LRRC8A: variants seen among roughly 807,000 people sequenced by gnomAD.
The protein encoded by LRRC8A is volume-regulated anion channel subunit LRRC8A.
A neutral mutation model predicts 52.5 loss-of-function variants in LRRC8A; 24 were observed. The ratio of observed to expected loss-of-function variants is 0.46; its 90% confidence interval spans 0.33 to 0.64. The LOEUF (loss-of-function observed/expected upper bound fraction) is 0.64. Ranked by LOEUF, LRRC8A falls within the 30% of genes least tolerant of loss-of-function variation. The pLI is 0.02. For synonymous variants in LRRC8A, 492 were observed against 494.2 expected, an observed-to-expected ratio of 1.00 and a Z score of 0.06; for missense variants, 677 against 1,094.7, an observed-to-expected ratio of 0.62 and a Z score of 5.38.
At position 128,909,262 on chromosome 9, in the gene LRRC8A, C is replaced by T. The variant is rs1020284481; in HGVS notation, c.2098C>T (p.Leu700Phe). 1.2e-6 allele frequency: 2 copies of T among 1,614,096 alleles called. No homozygotes were observed. Among genetic ancestry groups the T allele is most frequent in the African/African-American group, 2.7e-5 (2 of 75,072 alleles). The change falls in exon 3 of 4, where the codon CTC becomes TTC. Residue 700 changes from leucine (L) to phenylalanine (F), a missense_variant. Coordinates refer to ENST00000372600, the MANE Select transcript of LRRC8A (RefSeq NM_019594.4). ...LDLSHNNLTF[L>F]PADIGLLQNL... ...CCTCAGCCACAACAACCTGACCTTC[C>T]TCCCTGCCGACATCGGCCTCCTGCA...
rs1840328930 is a variant in LRRC8A, at chr9:128,908,070, G to T, written c.906G>T (p.Leu302=). 4 of 1,614,068 alleles carry T rather than the reference G, an allele frequency of 2.5e-6. No homozygotes were observed. In the East Asian group the frequency reaches 6.7e-5, roughly 27 times the overall value. The change falls in exon 3 of 4, where the codon CTG becomes CTT. Residue 302 remains leucine, a synonymous_variant. Coordinates refer to ENST00000372600, the MANE Select transcript of LRRC8A (RefSeq NM_019594.4). ...ACTGCACCGTGGACATTGAGAGCCT[G>T]ACGGGCTACCGCACCTACCGCTGTG... ...DVDCTVDIES[L]TGYRTYRCAH...
intron 2 of LRRC8A, among the ~76,000 whole-genome samples, chr9:128,903,856 C>T (rs1022453941): frequency 3.0e-4 from 45 of 152,098 alleles, no homozygotes; most frequent in African/African-American, 1.0e-3. Flanking sequence ...GGCAAAACAC[C>T]GTCTCTACTA....
chr9:128,883,623 C>CAAG (rs1415732106), intron 1 of LRRC8A, among the ~76,000 whole-genome samples: 3 of 152,150 alleles, frequency 2.0e-5, no homozygotes, highest in Admixed American at 6.5e-5. Flanking sequence ...TTCCTGGTCT[C>CAAG]AGGGCTTTGG....
chr9:128,882,610 G>A (rs545921504), intron 1 of LRRC8A: 2 of 398,494 alleles, frequency 5.0e-6, no homozygotes, highest in African/African-American at 4.1e-5. Flanking sequence ...GTTCCTAGAG[G>A]TTCCACCTCT....
chr9:128,904,642 G>A (rs1164776482), intron 2 of LRRC8A, among the ~76,000 whole-genome samples: 1 of 152,118 alleles, frequency 6.6e-6, no homozygotes, highest in African/African-American at 2.4e-5. Context: ...GAGGCCAGGA[G>A]TTTGAAACCA....
At chr9:128,884,791 G>A (rs761343320) in intron 1 of LRRC8A, among the ~76,000 whole-genome samples, 4 of 152,126 alleles carry the variant, frequency 2.6e-5, no homozygotes, top group Admixed American at 6.6e-5. Flanking sequence ...GGTTGGCTTG[G>A]ATGGCCTCCG....
Position 128,908,655 on chromosome 9 carries a change from G to C in LRRC8A, c.1491G>C (p.Ala497=), listed in dbSNP as rs779817904. The change falls in exon 3 of 4, where the codon GCG becomes GCC. Residue 497 remains alanine (A), a synonymous_variant. Coordinates refer to ENST00000372600, the MANE Select transcript of LRRC8A (RefSeq NM_019594.4). ...ALAFLRENLR[A]LHIKFTDIKE... ...CCTTCCTGCGTGAGAACCTGCGGGC[G>C]CTGCACATCAAGTTCACCGACATCA... The C allele has an allele frequency of 1.2e-6, 2 of 1,612,788 alleles. No individual in the cohort carries two copies. The highest frequency in any genetic ancestry group is 2.2e-5 in the South Asian group (2 of 91,076).
At position 128,902,928 on chromosome 9, in the gene LRRC8A, T is replaced by C. The variant is rs1840084133; in HGVS notation, c.-8-4229T>C. Among the ~76,000 whole-genome samples, 1 of 152,042 alleles carries C rather than the reference T, an allele frequency of 6.6e-6. No individual in the cohort carries two copies. Among genetic ancestry groups the C allele is most frequent in the East Asian group, 1.9e-4 (1 of 5,176 alleles). ...GCTGGCCCCTTTGTGACCTGAGCGC[T>C]GGTAATGCTGAGGGGCGGGGAAGCT... On this transcript the variant is annotated intron_variant, in intron 2 of 3. Transcript: ENST00000372600. The surrounding 1 kb of genome is among the most constrained non-coding windows in gnomAD (Gnocchi z 4.1).
At position 128,899,031 on chromosome 9, in the gene LRRC8A, T is replaced by G. The variant is rs1839928696; in HGVS notation, c.-8-8126T>G. ...GTGTCTGTGATGGTGGCGGCAGCTC[T>G]GCAGTCACAGCCCAGCAGTCTGACG... On this transcript the variant is annotated intron_variant, in intron 2 of 3. Transcript: ENST00000372600. The surrounding 1 kb of genome is among the most constrained non-coding windows in gnomAD (Gnocchi z 4.0). Among the ~76,000 whole-genome samples the G allele has an allele frequency of 6.6e-6, 1 of 152,178 alleles. No homozygotes were observed. Among genetic ancestry groups the G allele is most frequent in the Non-Finnish European group, 1.5e-5 (1 of 68,018 alleles).
rs1840859389 is a variant in LRRC8A at position 128,917,130 on chromosome 9, GAC to G, written c.*762_*763del. The G allele has an allele frequency of 6.9e-6, 1 of 144,966 alleles. No homozygotes were observed. The highest frequency in any genetic ancestry group is 7.0e-5 in the Admixed American group (1 of 14,358). The allele number at this position is 144,966 out of a possible 1,614,324, so 9.0% of individuals were successfully genotyped here. A position where few individuals can be genotyped will look rare whatever the true frequency, so the allele number is the denominator to read the frequency against. The stretch of plus-strand genomic sequence containing the variant: ...GAAAAAAAAAACTTAAAAAAAAAAA[GAC>G]ACTAACGGCCAGTGAGTTGGAGTCT... On this transcript the variant is annotated 3_prime_UTR_variant, in exon 4 of 4. Coordinates refer to ENST00000372600, the MANE Select transcript of LRRC8A (RefSeq NM_019594.4).
chr9:128,903,733 G>A (rs1206336852), intron 2 of LRRC8A, among the ~76,000 whole-genome samples: 3 of 150,618 alleles, frequency 2.0e-5, no homozygotes, highest in African/African-American at 7.3e-5. Flanking sequence ...TGTTCTTAAA[G>A]AGTTCCTACC....
chr9:128,883,123 G>A (rs191660620), intron 1 of LRRC8A, among the ~76,000 whole-genome samples: 1 of 152,284 alleles, frequency 6.6e-6, no homozygotes, highest in East Asian at 1.9e-4. Context: ...GCCTCCTGAT[G>A]GAGACTTGGC....
chr9:128,907,447 A>C lies in LRRC8A; in HGVS notation c.283A>C (p.Thr95Pro). The change falls in exon 3 of 4, where the codon ACA (threonine) becomes CCA (proline). Residue 95 changes from threonine to proline, a missense_variant. Coordinates refer to ENST00000372600, the MANE Select transcript of LRRC8A (RefSeq NM_019594.4). The surrounding 1 kb of genome is among the most constrained non-coding windows in gnomAD (Gnocchi z 9.3). ...TCTGCCGACCCCTGACACGGGCCCC[A>C]CAGGCATCAAGTATGACCTGGACCG... Reference protein sequence around the residue: ...TILPTPDTGPTGIKYDLDRHQ... With the variant: ...TILPTPDTGPPGIKYDLDRHQ... 1 of 1,613,728 alleles carries C rather than the reference A, an allele frequency of 6.2e-7. No individual in the cohort carries two copies. The highest frequency in any genetic ancestry group is 8.5e-7 in the Non-Finnish European group (1 of 1,180,010).
At chr9:128,882,271 A>C in intron 1 of LRRC8A, 21 bp downstream of exon 1, 1 of 152,756 alleles carries the variant, frequency 6.5e-6, no homozygotes. Flanking sequence ...GGGGTGGGGA[A>C]AGGGGCGCGA....
At chr9:128,887,724 C>G (rs1839450444) in intron 2 of LRRC8A, among the ~76,000 whole-genome samples, 1 of 152,164 alleles carries the variant, frequency 6.6e-6, no homozygotes, top group African/African-American at 2.4e-5. Context: ...TCACTGCAAG[C>G]TCTGCCTCCC....
intron 2 of LRRC8A, among the ~76,000 whole-genome samples, chr9:128,898,039 AGTGTGTGTGTGTGTGT>A (rs58876901): frequency 0.011 from 1,447 of 136,474 alleles, 16 homozygotes; most frequent in African/African-American, 0.029. Flanking sequence ...AAGATTGTTC[AGTGTGTGTGTGTGTGT>A]GTGTGTGTGT....
At chr9:128,912,664 G>A (rs1588229858) in intron 3 of LRRC8A, 1 of 152,346 alleles carries the variant, frequency 6.6e-6, no homozygotes, top group Non-Finnish European at 1.5e-5. Context: ...TAGTGATTGA[G>A]TGGGTGAAGG....
rs7028859 is a variant in LRRC8A, at chr9:128,906,287, G to A, written c.-8-870G>A. ...GGGATTACAGGCTAGGATTACAGGCGTGAGCCACCATGCCAGCCCCCATGT... is the reference window on the plus strand; with the variant it reads ...GGGATTACAGGCTAGGATTACAGGCATGAGCCACCATGCCAGCCCCCATGT... On this transcript the variant is annotated intron_variant, in intron 2 of 3. Transcript: ENST00000372600. Among the ~76,000 whole-genome samples the A allele has an allele frequency of 8.8e-3, 1,144 of 129,954 alleles. 10 individuals are homozygous for A. Among genetic ancestry groups the A allele is most frequent in the African/African-American group, 0.025 (758 of 29,938 alleles). 85.3% of individuals were successfully genotyped at this position (129,954 alleles called of 152,430 possible).
In LRRC8A at chr9:128,905,925, C is replaced by A. The variant is rs572035723; in HGVS notation, c.-8-1232C>A. On this transcript the variant is annotated intron_variant, in intron 2 of 3. Coordinates refer to ENST00000372600, the MANE Select transcript of LRRC8A (RefSeq NM_019594.4). ...TCTCTGGGAGAGCCTGCTGTTGCTG[C>A]TGTTTTTAATTCCTTTATACACACG... Among the ~76,000 whole-genome samples, 45 of 152,308 alleles carry A rather than the reference C, an allele frequency of 3.0e-4. 1 individual carries two copies. In the South Asian group the frequency reaches 6.6e-3, roughly 22 times the overall value.
Sources: gnomAD v4.1 joint callset for allele counts (sites outside exome capture counted in the v4.1 genomes callset) on GRCh38, gnomAD v4.1.1 for gene constraint, Gnocchi (gnomAD v3.1) non-coding constraint, MANE v1.5 for transcripts, NCBI Gene and HGNC (gene_info 2026-07-23, HGNC 2026-07-21) for gene names.